The following ROBO2 variants were observed in gnomAD, a reference collection of about 807,000 sequenced individuals.
The protein encoded by ROBO2 is roundabout homolog 2.
ROBO2 carries 53 observed loss-of-function variants against 160.8 expected under a neutral mutation model. The observed-to-expected ratio is 0.33, with a 90% CI of 0.26 to 0.41. The LOEUF (loss-of-function observed/expected upper bound fraction) is 0.41. Ranked by LOEUF, ROBO2 falls within the 10% of genes least tolerant of loss-of-function variation. The pLI is 1.00. For synonymous variants in ROBO2, 664 were observed against 611.7 expected (o/e 1.09, Z -1.26); for missense variants, 1,577 against 1,722.4 (o/e 0.92, Z 1.49).
chr3:77,083,330 G>A (rs1438139776), intron 1 of ROBO2, among the ~76,000 whole-genome samples: 4 of 152,122 alleles, frequency 2.6e-5, no homozygotes, highest in Non-Finnish European at 5.9e-5. Context: ...TGCGTAAGAT[G>A]AACTTAGGAA....
At chr3:76,075,556 A>T (rs2107991590) in intron 2 of ROBO2, among the ~76,000 whole-genome samples, 1 of 151,066 alleles carries the variant, frequency 6.6e-6, no homozygotes, top group East Asian at 1.9e-4. Flanking sequence ...CTAATTTAAA[A>T]TTTCTTAGAT....
intron 2 of ROBO2, among the ~76,000 whole-genome samples, chr3:76,041,483 A>G (rs966586657): frequency 2.6e-5 from 4 of 151,982 alleles, no homozygotes; most frequent in Admixed American, 1.3e-4. Context: ...TCCCACCTAC[A>G]TTGGTCCTTT....
intron 2 of ROBO2, among the ~76,000 whole-genome samples, chr3:77,450,086 A>G (rs934652261): frequency 9.2e-5 from 14 of 152,078 alleles, no homozygotes; most frequent in Admixed American, 7.2e-4. Context: ...TTGTTTGTCC[A>G]TATGAGAAAT....
intron 2 of ROBO2, among the ~76,000 whole-genome samples, chr3:76,696,282 A>C (rs530585095): frequency 6.2e-4 from 95 of 152,306 alleles, no homozygotes; most frequent in African/African-American, 2.1e-3. Flanking sequence ...ATTTTTAAAT[A>C]GCAATCAACA....
chr3:75,914,701 C>T (rs555206084), intron 1 of ROBO2, among the ~76,000 whole-genome samples: 11 of 152,170 alleles, frequency 7.2e-5, no homozygotes, highest in Non-Finnish European at 1.3e-4. Flanking sequence ...AAGAACTCTA[C>T]GGATGCGTAA....
chr3:77,373,523 T>C (rs534103576), intron 2 of ROBO2, among the ~76,000 whole-genome samples: 1 of 152,220 alleles, frequency 6.6e-6, no homozygotes, highest in East Asian at 1.9e-4. Flanking sequence ...CCATGGTAGG[T>C]CTTCCTAGAG....
chr3:77,391,105 G>A (rs2074680013), intron 2 of ROBO2, among the ~76,000 whole-genome samples: 1 of 151,674 alleles, frequency 6.6e-6, no homozygotes, highest in Non-Finnish European at 1.5e-5. Flanking sequence ...GGACACCAAG[G>A]GTCTATGATT....
At chr3:77,358,274 A>G (rs1052726588) in intron 2 of ROBO2, among the ~76,000 whole-genome samples, 2 of 152,036 alleles carry the variant, frequency 1.3e-5, no homozygotes, top group Non-Finnish European at 2.9e-5. Flanking sequence ...TTGTCCCTCA[A>G]CTTGCCGGGG....
chr3:76,076,314 C>T (rs561327624), intron 2 of ROBO2, among the ~76,000 whole-genome samples: 1 of 152,260 alleles, frequency 6.6e-6, no homozygotes, highest in African/African-American at 2.4e-5. Flanking sequence ...TTGCAATGGC[C>T]TTTCACCAGC....
intron 2 of ROBO2, among the ~76,000 whole-genome samples, chr3:76,841,824 C>A (rs1410727530): frequency 6.6e-6 from 1 of 152,132 alleles, no homozygotes; most frequent in Non-Finnish European, 1.5e-5. Context: ...CTATTCAGTG[C>A]AAATTTGTGG....
intron 2 of ROBO2, among the ~76,000 whole-genome samples, chr3:77,242,305 A>C (rs1405257592): frequency 6.6e-6 from 1 of 152,056 alleles, no homozygotes; most frequent in African/African-American, 2.4e-5. Context: ...TTTTTTTCTG[A>C]AGCTTAGTTT....
At chr3:76,492,994 A>G (rs6799498) in intron 2 of ROBO2, among the ~76,000 whole-genome samples, 2,782 of 152,256 alleles carry the variant, frequency 0.018, 39 homozygotes, top group Middle Eastern at 0.054. Flanking sequence ...CTAAAATATA[A>G]TGCCTCACAG....
intron 2 of ROBO2, among the ~76,000 whole-genome samples, chr3:76,089,560 AC>A (rs2069144359): frequency 1.3e-5 from 2 of 152,240 alleles, no homozygotes; most frequent in South Asian, 4.1e-4. Context: ...CATCACATCA[AC>A]AGACTGAAGA....
At chr3:77,629,290 C>T (rs953419748) in intron 23 of ROBO2, 3 of 152,102 alleles carry the variant, frequency 2.0e-5, no homozygotes, top group Non-Finnish European at 4.4e-5. Context: ...AGTGATGCTA[C>T]CGTGGTGTAG....
intron 2 of ROBO2, among the ~76,000 whole-genome samples, chr3:76,932,550 A>T (rs1025663727): frequency 3.3e-5 from 5 of 152,104 alleles, no homozygotes; most frequent in African/African-American, 1.2e-4. Flanking sequence ...TGGACTCCAA[A>T]GCCTATTCTG....
At chr3:77,534,517 G>C (rs1323391809) in intron 6 of ROBO2, among the ~76,000 whole-genome samples, 2 of 152,102 alleles carry the variant, frequency 1.3e-5, no homozygotes, top group Non-Finnish European at 2.9e-5. Context: ...GCACTTTGTA[G>C]ACAGGGATGT....
At chr3:76,188,139 C>G (rs1179027964) in intron 2 of ROBO2, among the ~76,000 whole-genome samples, 1 of 152,032 alleles carries the variant, frequency 6.6e-6, no homozygotes, top group East Asian at 1.9e-4. Context: ...TTAGTTGTCA[C>G]ATTCTCAGTG....
chr3:76,816,233 T>C (rs1456192982), intron 2 of ROBO2, among the ~76,000 whole-genome samples: 1 of 152,112 alleles, frequency 6.6e-6, no homozygotes, highest in Non-Finnish European at 1.5e-5. Flanking sequence ...GAAGGCCACG[T>C]GTGGATCGGA....
intron 2 of ROBO2, among the ~76,000 whole-genome samples, chr3:76,008,190 G>T (rs595942): frequency 0.75 from 106,890 of 142,990 alleles, 41,219 homozygotes; most frequent in South Asian, 0.9. Context: ...AGCTGAGATC[G>T]CACCACTGCA....
Sources: allele counts gnomAD v4.1 joint callset (sites outside exome capture counted in the v4.1 genomes callset), GRCh38; gene constraint gnomAD v4.1.1; transcripts MANE v1.5; gene names NCBI Gene and HGNC (gene_info 2026-07-23, HGNC 2026-07-21).